Variants in OSBPL1A observed in about 807,000 individuals in gnomAD.
The protein encoded by OSBPL1A is oxysterol binding protein like 1A.
A neutral mutation model predicts 137.1 loss-of-function variants in OSBPL1A; 80 were observed. The observed-to-expected ratio is 0.58, with a 90% CI of 0.49 to 0.70. The LOEUF is 0.70. Among genes scored for constraint, OSBPL1A ranks in the 30% least tolerant of loss-of-function variants. OSBPL1A has a pLI of 0.00. For synonymous variants in OSBPL1A, 365 were observed against 389.7 expected (o/e 0.94, Z 0.75); for missense variants, 970 against 1,129.4 (o/e 0.86, Z 2.02).
At chr18:24,265,719 C>A (rs2089554017) in intron 15 of OSBPL1A, among the ~76,000 whole-genome samples, 1 of 152,192 alleles carries the variant, frequency 6.6e-6, no homozygotes, top group South Asian at 2.1e-4. Flanking sequence ...CATGTTGTCA[C>A]CGGAGCATAG....
chr18:24,295,624 G>T (rs2090275549), intron 14 of OSBPL1A, among the ~76,000 whole-genome samples: 1 of 152,140 alleles, frequency 6.6e-6, no homozygotes. Flanking sequence ...TATACATGTG[G>T]CTTGCCAATT....
At chr18:24,221,059 G>C (rs909155233) in intron 17 of OSBPL1A, among the ~76,000 whole-genome samples, 1 of 152,152 alleles carries the variant, frequency 6.6e-6, no homozygotes, top group Admixed American at 6.5e-5. Flanking sequence ...AGTATTACAA[G>C]CATGAGCCAC....
intron 2 of OSBPL1A, among the ~76,000 whole-genome samples, chr18:24,372,144 G>A (rs1028024848): frequency 3.6e-4 from 55 of 151,544 alleles, no homozygotes; most frequent in African/African-American, 1.1e-3. Context: ...GCGTGGTGGC[G>A]CACACCTGTA....
At chr18:24,397,437 T>G (rs1907831239) in intron 1 of OSBPL1A, 1 of 152,230 alleles carries the variant, frequency 6.6e-6, no homozygotes, top group Admixed American at 6.5e-5. Flanking sequence ...ACGCCTAACT[T>G]CCTGCAGCGC....
At chr18:24,394,781 C>T (rs1356623482) in intron 1 of OSBPL1A, among the ~76,000 whole-genome samples, 1 of 152,122 alleles carries the variant, frequency 6.6e-6, no homozygotes, top group Non-Finnish European at 1.5e-5. Flanking sequence ...CATGTGGTTA[C>T]TTTCCATTGT....
At chr18:24,381,507 C>T (rs190123762) in intron 1 of OSBPL1A, among the ~76,000 whole-genome samples, 8 of 152,336 alleles carry the variant, frequency 5.3e-5, no homozygotes, top group African/African-American at 1.9e-4. Context: ...GAGTAAATTT[C>T]TGGGGGAACT....
chr18:24,254,845 A>G (rs2089222849), intron 15 of OSBPL1A, among the ~76,000 whole-genome samples: 1 of 152,206 alleles, frequency 6.6e-6, no homozygotes, highest in Non-Finnish European at 1.5e-5. Flanking sequence ...AGAAGAAATA[A>G]TAAAGATCAG....
chr18:24,354,898 C>T (rs2091505819), intron 4 of OSBPL1A, among the ~76,000 whole-genome samples: 1 of 152,062 alleles, frequency 6.6e-6, no homozygotes, highest in South Asian at 2.1e-4. Context: ...CCACTGTTCC[C>T]TGCTGAACCT....
chr18:24,368,492 A>G, intron 2 of OSBPL1A, 120 bp from the exon 3 acceptor site: 1 of 724,970 alleles, frequency 1.4e-6, no homozygotes, highest in Non-Finnish European at 2.4e-6. Flanking sequence ...CTGATAAGTG[A>G]GAGGCAAGAT....
chr18:24,338,638 T>C (rs549391260), intron 5 of OSBPL1A, among the ~76,000 whole-genome samples: 51 of 152,334 alleles, frequency 3.3e-4, no homozygotes, highest in African/African-American at 1.2e-3. Flanking sequence ...TATAATTTCA[T>C]TGTGCCTGCC....
intron 23 of OSBPL1A, among the ~76,000 whole-genome samples, chr18:24,171,120 C>T (rs2086273699): frequency 6.6e-6 from 1 of 151,710 alleles, no homozygotes; most frequent in Non-Finnish European, 1.5e-5. Context: ...CTGCAACCTC[C>T]GCCTCCCAGG....
chr18:24,177,143 A>G (rs2086472242), intron 21 of OSBPL1A, among the ~76,000 whole-genome samples: 1 of 152,234 alleles, frequency 6.6e-6, no homozygotes, highest in Non-Finnish European at 1.5e-5. Context: ...ACTCTGAGGT[A>G]CGTGTGTGAT....
At chr18:24,231,455 G>C (rs2088277301) in intron 16 of OSBPL1A, among the ~76,000 whole-genome samples, 1 of 152,022 alleles carries the variant, frequency 6.6e-6, no homozygotes, top group African/African-American at 2.4e-5. Context: ...ACCACGCCCA[G>C]CATTTTTGTA....
chr18:24,317,301 A>G (rs1049519808), intron 10 of OSBPL1A, 26 bp downstream of exon 10: 17 of 1,608,630 alleles, frequency 1.1e-5, no homozygotes, highest in African/African-American at 4.0e-5. Flanking sequence ...GTGAAATTTG[A>G]TAAGTGTAAA....
chr18:24,250,199 T>A (rs1456141112), intron 15 of OSBPL1A, among the ~76,000 whole-genome samples: 1 of 143,658 alleles, frequency 7.0e-6, no homozygotes, highest in East Asian at 1.9e-4. Context: ...TTTTTTGACA[T>A]GGAGTCTCAC....
chr18:24,180,184 A>G (rs1037981866), intron 19 of OSBPL1A, among the ~76,000 whole-genome samples: 4 of 152,238 alleles, frequency 2.6e-5, no homozygotes, highest in African/African-American at 9.6e-5. Flanking sequence ...GGAAAGAGAT[A>G]TAAAACTCCA....
chr18:24,361,601 G>C (rs987973132), intron 4 of OSBPL1A, among the ~76,000 whole-genome samples: 5 of 152,166 alleles, frequency 3.3e-5, no homozygotes, highest in African/African-American at 9.7e-5. Flanking sequence ...GAACTTATTT[G>C]ATCTAGGTGA....
chr18:24,225,097 C>T lies in OSBPL1A; in HGVS notation c.1546G>A (p.Glu516Lys), dbSNP rs201813728. Residue 516 changes from glutamate to lysine, a missense_variant, in exon 17 of 28, where the codon GAA becomes AAA. Coordinates refer to ENST00000319481, the MANE Select transcript of OSBPL1A (RefSeq NM_080597.4). ...TCTCCGCCACCACAGTCTTTTTCTT[C>T]GGACATTCTGTGTTTTCTACTGCCC... is the stretch of plus-strand genomic sequence containing the variant. ...HLGSRKHRMS[E>K]EKDCGGGDAL... 2.0e-5 allele frequency: 32 copies of T among 1,614,190 alleles called. No individual in the cohort carries two copies. The highest frequency in any genetic ancestry group is 1.8e-4 in the Admixed American group (11 of 60,016).
chr18:24,336,306 T>C lies in OSBPL1A; in HGVS notation c.395-1976A>G, dbSNP rs186529854. On this transcript the variant is annotated intron_variant, in intron 5 of 27. Coordinates refer to ENST00000319481, the MANE Select transcript of OSBPL1A (RefSeq NM_080597.4). ...AGATACCCTATTGTTTCTTTCTAGG[T>C]TGTCTAGGCTCATAAATGAAGGAAA... 2.5e-3 allele frequency among the ~76,000 whole-genome samples: 378 copies of C among 152,334 alleles called. 1 individual carries two copies. The highest frequency in any genetic ancestry group is 3.1e-3 in the Non-Finnish European group (209 of 68,028).
Sources: allele counts gnomAD v4.1 joint callset (sites outside exome capture counted in the v4.1 genomes callset), GRCh38; gene constraint gnomAD v4.1.1; transcripts MANE v1.5; gene names NCBI Gene and HGNC (gene_info 2026-07-23, HGNC 2026-07-21).